The following JAK2 variants were observed in gnomAD, a reference collection of about 807,000 sequenced individuals.
JAK2 encodes Janus kinase 2, also known as tyrosine-protein kinase JAK2.
In JAK2, 86 loss-of-function variants were observed where a neutral mutation model predicts 139.3. That is an observed-to-expected ratio of 0.62 (90% confidence interval 0.52 to 0.74). The LOEUF (loss-of-function observed/expected upper bound fraction) is 0.74, where lower values mean the gene tolerates loss of function less well. JAK2 is among the 30% of genes least tolerant of loss of function. The pLI is 0.00. For synonymous variants in JAK2, 490 were observed against 437.7 expected, an observed-to-expected ratio of 1.12 and a Z score of -1.49; for missense variants, 1,421 against 1,360.3, an observed-to-expected ratio of 1.04 and a Z score of -0.70.
intron 2 of JAK2, among the ~76,000 whole-genome samples, chr9:5,009,128 A>G (rs775419024): frequency 9.2e-5 from 14 of 152,214 alleles, no homozygotes; most frequent in Non-Finnish European, 1.9e-4. Flanking sequence ...ACAGCAACAC[A>G]TAAGTTGGAA....
rs574775736 is a variant in JAK2 at position 5,023,350 on chromosome 9, C to T, written c.226+1137C>T. Among the ~76,000 whole-genome samples the T allele has an allele frequency of 1.1e-3, 166 of 152,224 alleles. 1 individual carries two copies. The highest frequency in any genetic ancestry group is 3.8e-3 in the African/African-American group (159 of 41,536). The stretch of plus-strand genomic sequence containing the variant: ...AATGACATGATTACATTCTTTTTTA[C>T]GATGCCACTGGGCCCCAGGGGAGTA... On this transcript the variant is annotated intron_variant, in intron 3 of 24. Transcript: ENST00000381652.
chr9:5,073,938 A>G (rs547777346), intron 14 of JAK2, among the ~76,000 whole-genome samples, 153 bp downstream of exon 14: 3 of 152,332 alleles, frequency 2.0e-5, no homozygotes, highest in African/African-American at 7.2e-5. Flanking sequence ...CTGTAGGACT[A>G]TTCAGTTATA....
intron 5 of JAK2, among the ~76,000 whole-genome samples, chr9:5,049,649 C>T (rs1289983793): frequency 6.6e-6 from 1 of 152,174 alleles, no homozygotes; most frequent in Non-Finnish European, 1.5e-5. Flanking sequence ...AAATTTTGGT[C>T]CCCTTGATGA....
At chr9:5,125,692 TA>T (rs1823939048) in intron 23 of JAK2, among the ~76,000 whole-genome samples, 1 of 82,106 alleles carries the variant, frequency 1.2e-5, no homozygotes, top group Non-Finnish European at 2.3e-5. Context: ...GCCAAGTTGA[TA>T]GGGGAGAAGT....
At chr9:4,986,841 A>C (rs770695283) in intron 2 of JAK2, among the ~76,000 whole-genome samples, 2 of 152,200 alleles carry the variant, frequency 1.3e-5, no homozygotes, top group African/African-American at 2.4e-5. Flanking sequence ...TGTGCATGAA[A>C]CAAAGTTTGT....
chr9:5,042,133 T>C (rs1056649594), intron 4 of JAK2, among the ~76,000 whole-genome samples: 20 of 134,840 alleles, frequency 1.5e-4, no homozygotes, highest in Non-Finnish European at 2.7e-4. Context: ...TCTTTTTTTT[T>C]TTTTTTTTTT....
rs574593129 is a variant in JAK2 at position 5,065,867 on chromosome 9, C to G, written c.1215-811C>G. On this transcript the variant is annotated intron_variant, in intron 9 of 24. Transcript: ENST00000381652. ...CCCCTAAATATTTGAGAAAATACAT[C>G]TTGGGTAATATAAAGAGTTGATTTA... Among the ~76,000 whole-genome samples, 5 of 152,168 alleles carry G rather than the reference C, an allele frequency of 3.3e-5. No individual in the cohort carries two copies. The East Asian group carries it at 9.7e-4, about 29-fold the overall frequency.
At chr9:5,114,678 G>A in intron 22 of JAK2, 1 of 430,030 alleles carries the variant, frequency 2.3e-6, no homozygotes, top group South Asian at 1.8e-5. Flanking sequence ...TGGCGTCTTA[G>A]TCTTCAGCTG....
rs150581357 is a variant in JAK2 at position 5,127,974 on chromosome 9, A to ACAT, written c.*1185_*1187dup. The ACAT allele has an allele frequency of 0.034, 7,846 of 232,266 alleles. 246 individuals are homozygous for ACAT. The highest frequency in any genetic ancestry group is 0.046 in the Non-Finnish European group (5,415 of 117,352). The allele number at this position is 232,266 out of a possible 1,614,324, so 14.4% of individuals were successfully genotyped here. A position where few individuals can be genotyped will look rare whatever the true frequency, so the allele number is the denominator to read the frequency against. On this transcript the variant is annotated 3_prime_UTR_variant, in exon 25 of 25. Coordinates refer to ENST00000381652, the MANE Select transcript of JAK2 (RefSeq NM_004972.4). ...GTGTATCTTTAAGAAAAATGAGCAT[A>ACAT]CATCTTAAATCTTTTCAATTAAGTA...
chr9:5,007,980 C>T (rs532819708), intron 2 of JAK2, among the ~76,000 whole-genome samples: 17 of 152,248 alleles, frequency 1.1e-4, no homozygotes, highest in Admixed American at 3.9e-4. Flanking sequence ...CCCCCCGCCT[C>T]GGCCTCCCAA....
At chr9:5,013,374 G>A (rs1306542186) in intron 2 of JAK2, among the ~76,000 whole-genome samples, 1 of 152,180 alleles carries the variant, frequency 6.6e-6, no homozygotes, top group Non-Finnish European at 1.5e-5. Context: ...ACTAAAGAAA[G>A]TAAATCAAAA....
At chr9:5,048,291 G>A (rs558397568) in intron 5 of JAK2, among the ~76,000 whole-genome samples, 1 of 152,110 alleles carries the variant, frequency 6.6e-6, no homozygotes, top group Non-Finnish European at 1.5e-5. Context: ...ACAGGTGCCT[G>A]CCACTACGCC....
intron 2 of JAK2, among the ~76,000 whole-genome samples, chr9:4,991,875 C>A (rs918313044): frequency 6.6e-6 from 1 of 152,190 alleles, no homozygotes; most frequent in Non-Finnish European, 1.5e-5. Context: ...CATTATATTT[C>A]TCTCCTCTTT....
intron 6 of JAK2, among the ~76,000 whole-genome samples, chr9:5,053,205 G>A (rs1817543845): frequency 6.6e-6 from 1 of 151,924 alleles, no homozygotes; most frequent in Admixed American, 6.6e-5. Context: ...TAGTTTTGAT[G>A]TTCATTTCTC....
intron 22 of JAK2, among the ~76,000 whole-genome samples, chr9:5,095,820 C>T (rs908090866): frequency 1.3e-5 from 2 of 152,146 alleles, no homozygotes; most frequent in African/African-American, 2.4e-5. Context: ...ATAATCCAAA[C>T]GTTACCATTA....
chr9:5,106,729 G>A (rs373037291), intron 22 of JAK2, among the ~76,000 whole-genome samples: 2 of 152,084 alleles, frequency 1.3e-5, no homozygotes, highest in African/African-American at 2.4e-5. Context: ...ATAAACAAGG[G>A]TGAGTTCATG....
At chr9:5,101,382 G>T (rs1821471830) in intron 22 of JAK2, among the ~76,000 whole-genome samples, 2 of 152,256 alleles carry the variant, frequency 1.3e-5, no homozygotes, top group Non-Finnish European at 1.5e-5. Context: ...GGCCAGGGAA[G>T]CTCGAACTGG....
At chr9:5,088,251 C>G (rs1474720179) in intron 19 of JAK2, among the ~76,000 whole-genome samples, 1 of 152,088 alleles carries the variant, frequency 6.6e-6, no homozygotes, top group Non-Finnish European at 1.5e-5. Context: ...GTCTATCCAC[C>G]TTATTGTGTG....
chr9:5,063,055 C>T (rs993257070), intron 8 of JAK2, among the ~76,000 whole-genome samples: 1 of 151,968 alleles, frequency 6.6e-6, no homozygotes, highest in Non-Finnish European at 1.5e-5. Flanking sequence ...TTTGTGTTAG[C>T]TAAATACCTT....
Sources: gnomAD v4.1 joint callset for allele counts (sites outside exome capture counted in the v4.1 genomes callset) on GRCh38, gnomAD v4.1.1 for gene constraint, MANE v1.5 for transcripts, NCBI Gene and HGNC (gene_info 2026-07-23, HGNC 2026-07-21) for gene names.